RYR1: variants seen among roughly 807,000 people sequenced by gnomAD.
The protein encoded by RYR1 is central core disease of muscle.
Under a neutral mutation model 583.5 loss-of-function variants are expected in RYR1, and 342 were observed. That is an observed-to-expected ratio of 0.59 (90% CI 0.54 to 0.64). RYR1 has a LOEUF of 0.64. Among genes scored for constraint, RYR1 ranks in the 30% least tolerant of loss-of-function variants. The pLI, the probability that RYR1 is intolerant of heterozygous loss-of-function variation, is 0.00. For missense variants in RYR1, 6,032 were observed against 6,917.2 expected, an observed-to-expected ratio of 0.87 and a Z score of 4.54; for synonymous variants, 2,791 against 2,822.5, an observed-to-expected ratio of 0.99 and a Z score of 0.35.
In RYR1 at chr19:38,506,340, C is replaced by T. The variant is rs1970448513; in HGVS notation, c.8579C>T (p.Pro2860Leu). 4 of 1,613,684 alleles carry T rather than the reference C, an allele frequency of 2.5e-6. No homozygotes were observed. Among genetic ancestry groups the T allele is most frequent in the Non-Finnish European group, 3.4e-6 (4 of 1,179,876 alleles). The change falls in exon 55 of 106, where the codon CCC becomes CTC. Residue 2860 changes from proline (P) to leucine (L), a missense_variant. Coordinates refer to ENST00000359596, the MANE Select transcript of RYR1 (RefSeq NM_000540.3). ...DPREGYNPQPPDLSAVTLSRE... is the reference protein window; with the variant it reads ...DPREGYNPQPLDLSAVTLSRE... ...CGAGAAGGCTACAACCCTCAGCCCCCCGACCTTAGTGCTGTTACCCTGTCC... is the reference window on the plus strand; with the variant it reads ...CGAGAAGGCTACAACCCTCAGCCCCTCGACCTTAGTGCTGTTACCCTGTCC...
In RYR1 at chr19:38,586,123, C is replaced by G. The variant is rs201712715; in HGVS notation, c.14901C>G (p.Asp4967Glu). ...GCTTCATCTGTGGAATCGGCAGTGA[C>G]TACTTTGATACGACACCGCATGGCT... ...TKCFICGIGSDYFDTTPHGFE... is the reference protein window; with the variant it reads ...TKCFICGIGSEYFDTTPHGFE... The change falls in exon 104 of 106, where the codon GAC (aspartate) becomes GAG (glutamate). Residue 4967 changes from aspartate to glutamate, a missense_variant. Physicochemically the swap from Asp to Glu is conservative, Grantham distance 45. Transcript: ENST00000359596. The G allele has an allele frequency of 2.7e-5, 44 of 1,614,026 alleles. No homozygotes were observed. Among genetic ancestry groups the G allele is most frequent in the Admixed American group, 1.5e-4 (9 of 59,966 alleles).
chr19:38,539,830 G>A (rs141059031), intron 84 of RYR1, among the ~76,000 whole-genome samples: 75 of 152,164 alleles, frequency 4.9e-4, no homozygotes, highest in Non-Finnish European at 9.6e-4. Flanking sequence ...TCTATAACAG[G>A]TGTTGTCAGT....
At chr19:38,542,078 A>AG (rs1972219384) in intron 84 of RYR1, among the ~76,000 whole-genome samples, 2 of 150,382 alleles carry the variant, frequency 1.3e-5, no homozygotes, top group African/African-American at 4.9e-5. Context: ...AAAAAAAAAA[A>AG]AAATCCCCCC....
rs369480385 is a variant in RYR1 at position 38,485,994 on chromosome 19, C to G, written c.5339C>G (p.Pro1780Arg). The G allele has an allele frequency of 4.3e-6, 7 of 1,613,514 alleles. No homozygotes were observed. Among genetic ancestry groups the G allele is most frequent in the African/African-American group, 1.3e-5 (1 of 74,930 alleles). The change falls in exon 34 of 106, where the codon CCC becomes CGC. Residue 1780 changes from proline (P) to arginine (R), a missense_variant. Coordinates refer to ENST00000359596, the MANE Select transcript of RYR1 (RefSeq NM_000540.3). Reference sequence around the variant, plus strand: ...AGGCCCCCGCATCATTTCTCGCCCCCCTGTTTCGTGGCCGCTCTGCCAGCT... The same window carrying G: ...AGGCCCCCGCATCATTTCTCGCCCCGCTGTTTCGTGGCCGCTCTGCCAGCT... The part of the protein sequence containing the change: ...SLRPPHHFSP[P>R]CFVAALPAAG...
At chr19:38,476,438 C>G (rs1383957075) in intron 29 of RYR1, among the ~76,000 whole-genome samples, 2 of 152,060 alleles carry the variant, frequency 1.3e-5, no homozygotes, top group Non-Finnish European at 2.9e-5. Flanking sequence ...ACCTCGTGGT[C>G]TACCCGCCTC....
chr19:38,463,546 C>T lies in RYR1; in HGVS notation c.2682+19C>T. 1 of 1,607,576 alleles carries T rather than the reference C, an allele frequency of 6.2e-7. No individual in the cohort carries two copies. The highest frequency in any genetic ancestry group is 8.5e-7 in the Non-Finnish European group (1 of 1,176,506). On this transcript the variant is annotated intron_variant, in intron 21 of 105. Coordinates refer to ENST00000359596, the MANE Select transcript of RYR1 (RefSeq NM_000540.3). ...CGGCCCGGTGAGGGGCTGCCTGCAGCCTGCGGGAGGCCGGCTAGACTTGCG... is the reference window on the plus strand; with the variant it reads ...CGGCCCGGTGAGGGGCTGCCTGCAGTCTGCGGGAGGCCGGCTAGACTTGCG...
At chr19:38,568,700 C>T (rs909500211) in intron 93 of RYR1, among the ~76,000 whole-genome samples, 14 of 141,856 alleles carry the variant, frequency 9.9e-5, no homozygotes, top group East Asian at 4.4e-4. Flanking sequence ...TTCAGTGAGC[C>T]GAGATCGTGC....
intron 31 of RYR1, 51 bp from the exon 32 acceptor site, chr19:38,482,976 C>T: frequency 6.6e-7 from 1 of 1,516,332 alleles, no homozygotes; most frequent in Non-Finnish European, 9.2e-7. Context: ...CAGAGTCAAC[C>T]CTCCCTCCAG....
At chr19:38,581,089 C>A (rs1160109213) in intron 101 of RYR1, among the ~76,000 whole-genome samples, 1 of 150,550 alleles carries the variant, frequency 6.6e-6, no homozygotes, top group African/African-American at 2.4e-5. Flanking sequence ...AATTTTCTTT[C>A]TTTCTTTTTT....
chr19:38,476,534 T>C (rs1968739971), intron 29 of RYR1, among the ~76,000 whole-genome samples: 1 of 152,166 alleles, frequency 6.6e-6, no homozygotes, highest in Non-Finnish European at 1.5e-5. Flanking sequence ...GGTTTCACCA[T>C]GTTGGCCAGG....
chr19:38,525,629 AC>A, intron 71 of RYR1, 127 bp downstream of exon 71: 1 of 1,031,664 alleles, frequency 9.7e-7, no homozygotes, highest in Non-Finnish European at 1.5e-6. Flanking sequence ...TTCCCTTCAG[AC>A]CCCACTGAGT....
intron 48 of RYR1, 53 bp downstream of exon 48, chr19:38,502,780 C>CAGGGGT: frequency 1.5e-6 from 1 of 666,950 alleles, no homozygotes; most frequent in East Asian, 3.4e-5. Context: ...GGGGCAGGGG[C>CAGGGGT]AGGGGCAGGG....
At position 38,489,253 on chromosome 19, in the gene RYR1, A is replaced by T; in HGVS notation, c.5624A>T (p.Glu1875Val). ...GAGCCTGAGGTCTTCACTGAGGAAG[A>T]AGAGGAGGAGGACGAGGAGGAAGAG... ...MIEPEVFTEEEEEEDEEEEGE... is the reference protein window; with the variant it reads ...MIEPEVFTEEVEEEDEEEEGE... Residue 1875 changes from glutamate to valine, a missense_variant, in exon 35 of 106, where the codon GAA becomes GTA. This residue lies in a region of RYR1 where 2,627 missense variants were observed against 2,961.3 expected (regional missense o/e 0.89). Coordinates refer to ENST00000359596, the MANE Select transcript of RYR1 (RefSeq NM_000540.3). 1.2e-6 allele frequency: 2 copies of T among 1,613,460 alleles called. No homozygotes were observed. The highest frequency in any genetic ancestry group is 1.7e-6 in the Non-Finnish European group (2 of 1,179,476).
At chr19:38,442,895 C>T (rs1320580581) in intron 3 of RYR1, among the ~76,000 whole-genome samples, 1 of 152,222 alleles carries the variant, frequency 6.6e-6, no homozygotes, top group African/African-American at 2.4e-5. Context: ...CCTCTCCCAC[C>T]TCCCCCATCC....
In RYR1 at chr19:38,527,677, A is replaced by G; in HGVS notation, c.10717A>G (p.Met3573Val). 5 of 1,614,074 alleles carry G rather than the reference A, an allele frequency of 3.1e-6. No homozygotes were observed. Among genetic ancestry groups the G allele is most frequent in the Non-Finnish European group, 4.2e-6 (5 of 1,180,010 alleles). Residue 3573 changes from methionine (M) to valine (V), a missense_variant, in exon 73 of 106, where the codon ATG becomes GTG. Transcript: ENST00000359596. ...VEGSPSLRWQ[M>V]ALYRGVPGRE... The stretch of plus-strand genomic sequence containing the variant: ...AGGCTCCCCGTCTCTGCGCTGGCAG[A>G]TGGCTCTGTACCGGGGCGTCCCGGG...
At chr19:38,437,828 T>A (rs958796578) in intron 1 of RYR1, among the ~76,000 whole-genome samples, 1 of 151,158 alleles carries the variant, frequency 6.6e-6, no homozygotes, top group African/African-American at 2.4e-5. Context: ...CAAAAATATA[T>A]ATATCTTAAA....
rs924170175 is a variant in RYR1, at chr19:38,532,730, C to G, written c.11253C>G (p.Ser3751=). The G allele has an allele frequency of 8.1e-6, 13 of 1,613,832 alleles. No homozygotes were observed. In the African/African-American group the frequency reaches 1.5e-4, roughly 18 times the overall value. Reference sequence around the variant, plus strand: ...AAGCTGAAGAGGAGGTTGAGGTCTCCTTTGAGGTAGGTGGGCTCAGGAGGT... The same window carrying G: ...AAGCTGAAGAGGAGGTTGAGGTCTCGTTTGAGGTAGGTGGGCTCAGGAGGT... The part of the protein sequence containing the change: ...NGEAEEEVEV[S]FEEKQMEKQR... The change falls in exon 78 of 106, where the codon TCC becomes TCG. Residue 3751 remains serine (S), a synonymous_variant. Transcript: ENST00000359596.
intron 67 of RYR1, 60 bp from the exon 68 acceptor site, chr19:38,522,967 TG>T: frequency 7.4e-7 from 1 of 1,356,684 alleles, no homozygotes; most frequent in Non-Finnish European, 1.0e-6. Context: ...GATCTCTCTC[TG>T]GGCAGCCCCC....
chr19:38,576,283 G>T (rs538055743), intron 97 of RYR1, among the ~76,000 whole-genome samples: 1 of 151,468 alleles, frequency 6.6e-6, no homozygotes, highest in South Asian at 2.1e-4. Flanking sequence ...GCAAAATGCC[G>T]TCTCTACCAA....
Sources: allele counts gnomAD v4.1 joint callset (sites outside exome capture counted in the v4.1 genomes callset), GRCh38; gene constraint gnomAD v4.1.1; regional missense constraint gnomAD v4.1.1; transcripts MANE v1.5; gene names NCBI Gene and HGNC (gene_info 2026-07-23, HGNC 2026-07-21).